IL23A: variants seen among roughly 807,000 people sequenced by gnomAD.
The protein encoded by IL23A is interleukin-23 subunit alpha.
IL23A carries 16 observed loss-of-function variants against 20.7 expected under a neutral mutation model. That is an observed-to-expected ratio of 0.77 (90% CI 0.52 to 1.17). The LOEUF is 1.17. IL23A is among the 50% of genes most tolerant of loss of function. The pLI is 0.00. For missense variants in IL23A, 175 were observed against 229.5 expected, an observed-to-expected ratio of 0.76 and a Z score of 1.53; for synonymous variants, 80 against 88.7, an observed-to-expected ratio of 0.90 and a Z score of 0.55.
In IL23A at chr12:56,339,048, C is replaced by A; in HGVS notation, c.4C>A (p.Leu2Met). The part of the protein sequence containing the change: M[L>M]GSRAVMLLLL... The stretch of plus-strand genomic sequence containing the variant: ...GATTTGAGAAGAAGGCAAAAAGATG[C>A]TGGGGAGCAGAGCTGTAATGCTGCT... Residue 2 changes from leucine to methionine, a missense_variant, in exon 1 of 4, where the codon CTG (leucine) becomes ATG (methionine). By Grantham distance (15) the Leu-to-Met change is conservative (BLOSUM62 2). Coordinates refer to ENST00000228534, the MANE Select transcript of IL23A (RefSeq NM_016584.3). 7.2e-7 allele frequency: 1 copy of A among 1,389,770 alleles called. No individual in the cohort carries two copies. 86.1% of individuals were successfully genotyped at this position (1,389,770 alleles called of 1,614,324 possible). A position where few individuals can be genotyped will look rare whatever the true frequency, so the allele number is the denominator to read the frequency against.
In IL23A at chr12:56,338,893, C is replaced by T. The variant is rs1876388277; in HGVS notation, c.-152C>T. 4.1e-6 allele frequency: 2 copies of T among 486,520 alleles called. No individual in the cohort carries two copies. Among genetic ancestry groups the T allele is most frequent in the Non-Finnish European group, 6.6e-6 (2 of 302,652 alleles). 30.1% of individuals were successfully genotyped at this position (486,520 alleles called of 1,614,324 possible). A position where few individuals can be genotyped will look rare whatever the true frequency, so the allele number is the denominator to read the frequency against. ...ACAAAGGGAGAAAAACAACAGGAAG[C>T]AGCTTACAAACTCGGTGAACAACTG... On this transcript the variant is annotated 5_prime_UTR_variant, in exon 1 of 4. Coordinates refer to ENST00000228534, the MANE Select transcript of IL23A (RefSeq NM_016584.3).
In IL23A at chr12:56,339,428, T is replaced by A; in HGVS notation, c.165T>A (p.Asp55Glu). Residue 55 changes from aspartate to glutamate, a missense_variant and splice_region_variant, in exon 2 of 4, where the codon GAT (aspartate) becomes GAA (glutamate). By Grantham distance (45) the Asp-to-Glu change is conservative. Transcript: ENST00000228534. ...WSAHPLVGHM[D>E]LREEGDEETT... is the part of the protein sequence containing the mutation. ...TTCCACCTCTTCCTTCATTCCAGGA[T>A]CTAAGAGAAGAGGGAGATGAAGAGA... 1 of 1,600,128 alleles carries A rather than the reference T, an allele frequency of 6.2e-7. No individual in the cohort carries two copies. Among genetic ancestry groups the A allele is most frequent in the Non-Finnish European group, 8.6e-7 (1 of 1,167,260 alleles).
rs773710976 is a variant in IL23A, at chr12:56,339,814, C to T, written c.385C>T (p.Leu129=). Residue 129 remains leucine, a synonymous_variant, in exon 3 of 4, where the codon CTG becomes TTG. Coordinates refer to ENST00000228534, the MANE Select transcript of IL23A (RefSeq NM_016584.3). The part of the protein sequence containing the change: ...SPVGQLHASL[L]GLSQLLQPEG... ...TGTGGGCCAGCTTCATGCCTCCCTA[C>T]TGGGCCTCAGCCAACTCCTGCAGGT... The T allele has an allele frequency of 6.2e-7, 1 of 1,613,370 alleles. No homozygotes were observed. The highest frequency in any genetic ancestry group is 8.5e-7 in the Non-Finnish European group (1 of 1,179,664).
Position 56,340,145 on chromosome 12 carries a change from A to G in IL23A, c.*41A>G, listed in dbSNP as rs201916567. The G allele has an allele frequency of 1.3e-4, 208 of 1,595,238 alleles. No individual in the cohort carries two copies. Among genetic ancestry groups the G allele is most frequent in the Non-Finnish European group, 1.1e-4 (128 of 1,169,054 alleles). ...GATGGCACTCAGATCTCCATGGCCC[A>G]GCAAGGCCAAGATAAATCTACCACC... On this transcript the variant is annotated 3_prime_UTR_variant, in exon 4 of 4. Coordinates refer to ENST00000228534, the MANE Select transcript of IL23A (RefSeq NM_016584.3).
At position 56,338,909 on chromosome 12, in the gene IL23A, T is replaced by C; in HGVS notation, c.-136T>C. The C allele has an allele frequency of 1.6e-6, 1 of 606,124 alleles. No homozygotes were observed. The highest frequency in any genetic ancestry group is 2.5e-6 in the Non-Finnish European group (1 of 407,164). 37.5% of individuals were successfully genotyped at this position (606,124 alleles called of 1,614,324 possible). ...AACAGGAAGCAGCTTACAAACTCGG[T>C]GAACAACTGAGGGAACCAAACCAGA... On this transcript the variant is annotated 5_prime_UTR_variant, in exon 1 of 4. Coordinates refer to ENST00000228534, the MANE Select transcript of IL23A (RefSeq NM_016584.3).
chr12:56,339,542 C>G lies in IL23A; in HGVS notation c.261+18C>G. The G allele has an allele frequency of 6.3e-7, 1 of 1,594,710 alleles. No homozygotes were observed. The highest frequency in any genetic ancestry group is 1.3e-5 in the African/African-American group (1 of 74,622). On this transcript the variant is annotated intron_variant, in intron 2 of 3. Coordinates refer to ENST00000228534, the MANE Select transcript of IL23A (RefSeq NM_016584.3). ...ACAGTCAGGTACCACTGGGATGTGG[C>G]TGGGCAATGAAGGAGAGGGGACTGA...
At chr12:56,339,864 G>C in intron 3 of IL23A, 27 bp downstream of exon 3, 1 of 1,609,762 alleles carries the variant, frequency 6.2e-7, no homozygotes, top group Non-Finnish European at 8.5e-7. Context: ...TGGAGGATGG[G>C]GGCTTGCAGG....
rs202007974 is a variant in IL23A at position 56,339,786 on chromosome 12, C to T, written c.357C>T (p.Ser119=). 14 of 1,613,990 alleles carry T rather than the reference C, an allele frequency of 8.7e-6. No individual in the cohort carries two copies. Among genetic ancestry groups the T allele is most frequent in the Non-Finnish European group, 1.2e-5 (14 of 1,179,942 alleles). Residue 119 remains serine (S), a synonymous_variant, in exon 3 of 4, where the codon AGC becomes AGT. Coordinates refer to ENST00000228534, the MANE Select transcript of IL23A (RefSeq NM_016584.3). ...FTGEPSLLPD[S]PVGQLHASLL... Reference sequence around the variant, plus strand: ...GGGAGCCTTCTCTGCTCCCTGATAGCCCTGTGGGCCAGCTTCATGCCTCCC... The same window carrying T: ...GGGAGCCTTCTCTGCTCCCTGATAGTCCTGTGGGCCAGCTTCATGCCTCCC...
chr12:56,339,266 AC>A, intron 1 of IL23A, 60 bp downstream of exon 1: 2 of 1,517,618 alleles, frequency 1.3e-6, no homozygotes, highest in Non-Finnish European at 1.8e-6. Flanking sequence ...GTGGCAGAAG[AC>A]CGTGACCTTG....
At position 56,339,907 on chromosome 12, in the gene IL23A, T is replaced by C. The variant is rs200730200; in HGVS notation, c.409-36T>C. ...GACAGAGGGTTGGGGGTTAAGGGTT[T>C]AGAGTCTTCTCTGACTGTGTCCTAT... On this transcript the variant is annotated intron_variant, in intron 3 of 3. Transcript: ENST00000228534. The C allele has an allele frequency of 3.1e-6, 5 of 1,613,094 alleles. No homozygotes were observed. In the Admixed American group the frequency reaches 8.3e-5, roughly 27 times the overall value.
chr12:56,339,419 A>C lies in IL23A; in HGVS notation c.163-7A>C. On this transcript the variant is annotated splice_polypyrimidine_tract_variant and splice_region_variant and intron_variant, in intron 1 of 3. Transcript: ENST00000228534. Reference sequence around the variant, plus strand: ...CTTCATTCTTTCCACCTCTTCCTTCATTCCAGGATCTAAGAGAAGAGGGAG... The same window carrying C: ...CTTCATTCTTTCCACCTCTTCCTTCCTTCCAGGATCTAAGAGAAGAGGGAG... 1 of 1,591,784 alleles carries C rather than the reference A, an allele frequency of 6.3e-7. No individual in the cohort carries two copies. Among genetic ancestry groups the C allele is most frequent in the South Asian group, 1.1e-5 (1 of 90,622 alleles).
At position 56,339,084 on chromosome 12, in the gene IL23A, C is replaced by A. The variant is rs774022773; in HGVS notation, c.40C>A (p.Pro14Thr). Residue 14 changes from proline to threonine, a missense_variant, in exon 1 of 4, where the codon CCC (proline) becomes ACC (threonine). Pro to Thr is a conservative substitution (Grantham distance 38, BLOSUM62 -1). Coordinates refer to ENST00000228534, the MANE Select transcript of IL23A (RefSeq NM_016584.3). ...AGCTGTAATGCTGCTGTTGCTGCTGCCCTGGACAGCTCAGGGCAGAGCTGT... is the reference window on the plus strand; with the variant it reads ...AGCTGTAATGCTGCTGTTGCTGCTGACCTGGACAGCTCAGGGCAGAGCTGT... ...SRAVMLLLLL[P>T]WTAQGRAVPG... The A allele has an allele frequency of 1.1e-5, 17 of 1,521,710 alleles. No individual in the cohort carries two copies. The East Asian group carries it at 3.9e-4, about 35-fold the overall frequency. 94.3% of individuals were successfully genotyped at this position (1,521,710 alleles called of 1,614,324 possible).
At position 56,340,014 on chromosome 12, in the gene IL23A, T is replaced by C; in HGVS notation, c.480T>C (p.Leu160=). 6.2e-7 allele frequency: 1 copy of C among 1,614,146 alleles called. No homozygotes were observed. Among genetic ancestry groups the C allele is most frequent in the South Asian group, 1.1e-5 (1 of 91,090 alleles). The change falls in exon 4 of 4, where the codon CTT becomes CTC. Residue 160 remains leucine, a synonymous_variant. Transcript: ENST00000228534. ...LSPSQPWQRL[L]LRFKILRSLQ... Reference sequence around the variant, plus strand: ...CCAGCCAGCCATGGCAGCGTCTCCTTCTCCGCTTCAAAATCCTTCGCAGCC... The same window carrying C: ...CCAGCCAGCCATGGCAGCGTCTCCTCCTCCGCTTCAAAATCCTTCGCAGCC...
In IL23A at chr12:56,339,774, G is replaced by A; in HGVS notation, c.345G>A (p.Leu115=). The change falls in exon 3 of 4, where the codon CTG becomes CTA. Residue 115 remains leucine (L), a synonymous_variant. Coordinates refer to ENST00000228534, the MANE Select transcript of IL23A (RefSeq NM_016584.3). ...GSDIFTGEPS[L]LPDSPVGQLH... ...ATATTTTCACAGGGGAGCCTTCTCT[G>A]CTCCCTGATAGCCCTGTGGGCCAGC... 1 of 1,614,040 alleles carries A rather than the reference G, an allele frequency of 6.2e-7. No homozygotes were observed. Among genetic ancestry groups the A allele is most frequent in the East Asian group, 2.2e-5 (1 of 44,876 alleles).
Position 56,339,038 on chromosome 12 carries a change from C to CA in IL23A, c.-2dup. On this transcript the variant is annotated 5_prime_UTR_variant, in exon 1 of 4. Transcript: ENST00000228534. ...GAGCCAGCCAGATTTGAGAAGAAGG[C>CA]AAAAAGATGCTGGGGAGCAGAGCTG... 7.2e-7 allele frequency: 1 copy of CA among 1,383,104 alleles called. No individual in the cohort carries two copies. Among genetic ancestry groups the CA allele is most frequent in the South Asian group, 2.1e-5 (1 of 46,924 alleles). The allele number at this position is 1,383,104 out of a possible 1,614,324, so 85.7% of individuals were successfully genotyped here. A position where few individuals can be genotyped will look rare whatever the true frequency, so the allele number is the denominator to read the frequency against.
In IL23A at chr12:56,340,194, TTAA is replaced by T. The variant is rs1876448039; in HGVS notation, c.*92_*94del. 2 of 1,346,242 alleles carry T rather than the reference TTAA, an allele frequency of 1.5e-6. No homozygotes were observed. The highest frequency in any genetic ancestry group is 2.9e-5 in the African/African-American group (2 of 68,384). 83.4% of individuals were successfully genotyped at this position (1,346,242 alleles called of 1,614,324 possible). On this transcript the variant is annotated 3_prime_UTR_variant, in exon 4 of 4. Transcript: ENST00000228534. ...CCCCAGGCACCTGTGAGCCAACAGG[TTAA>T]TTAGTCCATTAATTTTAGTGGGACC...
At chr12:56,339,633 C>G in intron 2 of IL23A, 58 bp from the exon 3 acceptor site, 1 of 1,606,162 alleles carries the variant, frequency 6.2e-7, no homozygotes, top group Non-Finnish European at 8.5e-7. Flanking sequence ...CTGGGTGAGT[C>G]TTCAGTGAAT....
At position 56,339,407 on chromosome 12, in the gene IL23A, A is replaced by C; in HGVS notation, c.163-19A>C. 1 of 1,556,156 alleles carries C rather than the reference A, an allele frequency of 6.4e-7. No homozygotes were observed. The highest frequency in any genetic ancestry group is 1.1e-5 in the South Asian group (1 of 89,878). On this transcript the variant is annotated intron_variant, in intron 1 of 3. Coordinates refer to ENST00000228534, the MANE Select transcript of IL23A (RefSeq NM_016584.3). ...ACTATCTTACTTCTTCATTCTTTCC[A>C]CCTCTTCCTTCATTCCAGGATCTAA...
Position 56,339,445 on chromosome 12 carries a change from A to G in IL23A, c.182A>G (p.Asp61Gly), listed in dbSNP as rs1178240317. Reference protein sequence around the residue: ...VGHMDLREEGDEETTNDVPHI... With the variant: ...VGHMDLREEGGEETTNDVPHI... Reference sequence around the variant, plus strand: ...TTCCAGGATCTAAGAGAAGAGGGAGATGAAGAGACTACAAATGATGTTCCC... The same window carrying G: ...TTCCAGGATCTAAGAGAAGAGGGAGGTGAAGAGACTACAAATGATGTTCCC... The change falls in exon 2 of 4, where the codon GAT becomes GGT. Residue 61 changes from aspartate to glycine, a missense_variant. Physicochemically the swap from Asp to Gly is moderately conservative, Grantham distance 94. Transcript: ENST00000228534. 1.9e-6 allele frequency: 3 copies of G among 1,610,590 alleles called. No homozygotes were observed. The highest frequency in any genetic ancestry group is 1.7e-4 in the Middle Eastern group (1 of 6,058).
Sources: allele counts gnomAD v4.1 joint callset, GRCh38; gene constraint gnomAD v4.1.1; transcripts MANE v1.5; gene names NCBI Gene and HGNC (gene_info 2026-07-23, HGNC 2026-07-21).